PPIL6: variants seen among roughly 807,000 people sequenced by gnomAD.
The protein encoded by PPIL6 is peptidylprolyl isomerase like 6, also known as probable inactive peptidyl-prolyl cis-trans isomerase-like 6.
In PPIL6, 39 loss-of-function variants were observed where a neutral mutation model predicts 36.8. The observed-to-expected ratio is 1.06, with a 90% CI of 0.82 to 1.38. The LOEUF is 1.38. Ranked by LOEUF, PPIL6 falls within the 40% of genes most tolerant of loss-of-function variation. The probability of loss-of-function intolerance (pLI) is 0.00; values close to 1 mark genes in which losing one functional copy is unlikely to be tolerated. For missense variants in PPIL6, 368 were observed against 379.1 expected (o/e 0.97, Z 0.24); for synonymous variants, 123 against 134.1 (o/e 0.92, Z 0.57).
chr6:109,392,703 GGCAACCTACAGT>G lies in PPIL6; in HGVS notation c.*111_*122del. On this transcript the variant is annotated 3_prime_UTR_variant, in exon 8 of 8. Transcript: ENST00000521072. ...ATGGGGAGGGATTGGGTGTAGATGA[GGCAACCTACAGT>G]GTCTGCCACGGCTTTCAAATTACAA... 1 of 597,072 alleles carries G rather than the reference GGCAACCTACAGT, an allele frequency of 1.7e-6. No homozygotes were observed. The highest frequency in any genetic ancestry group is 2.2e-5 in the South Asian group (1 of 45,112). 37.0% of individuals were successfully genotyped at this position (597,072 alleles called of 1,614,324 possible).
intron 1 of PPIL6, 117 bp downstream of exon 1, chr6:109,440,339 C>G (rs1190788329): frequency 7.7e-7 from 1 of 1,303,296 alleles, no homozygotes; most frequent in African/African-American, 1.5e-5. Flanking sequence ...CAGCCCCTTC[C>G]TCGGCCGGTG....
chr6:109,419,109 G>A lies in PPIL6; in HGVS notation c.688+78C>T, dbSNP rs201531075. On this transcript the variant is annotated intron_variant, in intron 6 of 7. Coordinates refer to ENST00000521072, the MANE Select transcript of PPIL6 (RefSeq NM_173672.5). ...TATTGCCCCCAGTGATATCTTATTT[G>A]GAATTGTGAAACTGTCCAGTCCTGT... 995 of 881,128 alleles carry A rather than the reference G, an allele frequency of 1.1e-3. 6 individuals carry two copies. Among genetic ancestry groups the A allele is most frequent in the Non-Finnish European group, 1.3e-3 (707 of 528,936 alleles). 54.6% of individuals were successfully genotyped at this position (881,128 alleles called of 1,614,324 possible). A position where few individuals can be genotyped will look rare whatever the true frequency, so the allele number is the denominator to read the frequency against.
At chr6:109,424,754 G>A (rs1023624213) in intron 5 of PPIL6, among the ~76,000 whole-genome samples, 3 of 152,178 alleles carry the variant, frequency 2.0e-5, no homozygotes, top group South Asian at 2.1e-4. Flanking sequence ...GTGACCTCTG[G>A]TGGTCCTCAC....
At chr6:109,399,740 C>T (rs1448157388) in intron 7 of PPIL6, among the ~76,000 whole-genome samples, 3 of 152,062 alleles carry the variant, frequency 2.0e-5, no homozygotes, top group Admixed American at 2.0e-4. Flanking sequence ...TGGGGTCTCG[C>T]TATGTTGCCC....
intron 2 of PPIL6, among the ~76,000 whole-genome samples, chr6:109,432,575 C>T (rs1774216317): frequency 1.3e-5 from 2 of 152,110 alleles, no homozygotes. Flanking sequence ...TCTGAGTCCC[C>T]TCTCCCTTTC....
rs1034316664 is a variant in PPIL6, at chr6:109,421,875, C to CA, written c.632-2633dup. Reference sequence around the variant, plus strand: ...GCAATATAGTGAGACTCTGTCTCTACAAAAAAAATTTATTTTTTTGAGACA... The same window carrying CA: ...GCAATATAGTGAGACTCTGTCTCTACAAAAAAAAATTTATTTTTTTGAGACA... On this transcript the variant is annotated intron_variant, in intron 5 of 7. Transcript: ENST00000521072. Among the ~76,000 whole-genome samples, 19 of 151,650 alleles carry CA rather than the reference C, an allele frequency of 1.3e-4. No homozygotes were observed. The East Asian group carries it at 1.6e-3, about 13-fold the overall frequency.
rs1582607113 is a variant in PPIL6 at position 109,436,872 on chromosome 6, T to C, written c.136-673A>G. On this transcript the variant is annotated intron_variant, in intron 1 of 7. Transcript: ENST00000521072. ...ACGCCAATAGCTTTGTGATATGCTA[T>C]GTTCTTTAAGACTAGTTTTTCCCTA... 3.3e-5 allele frequency among the ~76,000 whole-genome samples: 5 copies of C among 152,368 alleles called. 1 individual carries two copies. The highest frequency in any genetic ancestry group is 3.3e-4 in the Admixed American group (5 of 15,310).
intron 5 of PPIL6, among the ~76,000 whole-genome samples, chr6:109,424,205 A>G (rs1007340836): frequency 2.0e-4 from 30 of 152,112 alleles, no homozygotes; most frequent in African/African-American, 6.8e-4. Context: ...ATAATCAGAA[A>G]CAGACAGTGG....
At chr6:109,437,077 G>C (rs1006082487) in intron 1 of PPIL6, among the ~76,000 whole-genome samples, 1 of 152,234 alleles carries the variant, frequency 6.6e-6, no homozygotes, top group African/African-American at 2.4e-5. Context: ...TTTAGATACG[G>C]AATATGTTCT....
rs112325965 is a variant in PPIL6, at chr6:109,425,641, C to T, written c.631+1206G>A. On this transcript the variant is annotated intron_variant, in intron 5 of 7. Transcript: ENST00000521072. ...GTGGGCCCCTGCTATCCTGGCTACT[C>T]GGGAGGCTGAGGCAGGGAGAATTAC... is the stretch of plus-strand genomic sequence containing the variant. Among the ~76,000 whole-genome samples, 277 of 150,730 alleles carry T rather than the reference C, an allele frequency of 1.8e-3. 1 individual carries two copies. Among genetic ancestry groups the T allele is most frequent in the African/African-American group, 5.0e-3 (204 of 41,042 alleles).
chr6:109,412,386 A>G (rs1381230589), intron 6 of PPIL6, among the ~76,000 whole-genome samples: 1 of 152,226 alleles, frequency 6.6e-6, no homozygotes, highest in Non-Finnish European at 1.5e-5. Context: ...AAATAGAAAA[A>G]ACAATCCTAA....
At chr6:109,440,927 GGGAACAGCC>G, upstream of PPIL6, 2 of 596,138 alleles carry the variant, frequency 3.4e-6, no homozygotes, top group Non-Finnish European at 5.7e-6. Flanking sequence ...CCGCCTGATT[GGGAACAGCC>G]GGCCGGTTGC....
intron 6 of PPIL6, among the ~76,000 whole-genome samples, chr6:109,412,797 C>A (rs1036293722): frequency 2.0e-5 from 3 of 152,106 alleles, no homozygotes; most frequent in Non-Finnish European, 4.4e-5. Context: ...AAGAAAACAT[C>A]GAGGAAACTC....
chr6:109,409,573 A>C (rs2115217834), intron 6 of PPIL6, among the ~76,000 whole-genome samples: 1 of 151,060 alleles, frequency 6.6e-6, no homozygotes, highest in African/African-American at 2.4e-5. Flanking sequence ...TCTCAAAAAA[A>C]AAAAAGAAAG....
chr6:109,412,478 C>T (rs60593165), intron 6 of PPIL6, among the ~76,000 whole-genome samples: 2,792 of 152,260 alleles, frequency 0.018, 81 homozygotes, highest in African/African-American at 0.065. Context: ...ATCACATTAC[C>T]TGACTTCAAA....
intron 1 of PPIL6, among the ~76,000 whole-genome samples, chr6:109,438,546 C>T (rs557912495): frequency 6.6e-6 from 1 of 151,874 alleles, no homozygotes; most frequent in East Asian, 1.9e-4. Context: ...CTGTCTTCTA[C>T]ATCAGGGGTT....
intron 1 of PPIL6, among the ~76,000 whole-genome samples, chr6:109,437,850 G>A (rs915780066): frequency 6.6e-6 from 1 of 152,256 alleles, no homozygotes; most frequent in Non-Finnish European, 1.5e-5. Flanking sequence ...GATTACAGGC[G>A]TGAGCCACCG....
At chr6:109,418,671 T>C (rs1026125778) in intron 6 of PPIL6, among the ~76,000 whole-genome samples, 33 of 151,860 alleles carry the variant, frequency 2.2e-4, no homozygotes, top group African/African-American at 7.7e-4. Flanking sequence ...CTCAGCCTCC[T>C]GAGGATCTGG....
At chr6:109,425,169 T>G (rs975669858) in intron 5 of PPIL6, among the ~76,000 whole-genome samples, 1 of 152,192 alleles carries the variant, frequency 6.6e-6, no homozygotes, top group Non-Finnish European at 1.5e-5. Context: ...ATCCCCATTT[T>G]ATGATTAAGA....
Sources: gnomAD v4.1 joint callset for allele counts (sites outside exome capture counted in the v4.1 genomes callset) on GRCh38, gnomAD v4.1.1 for gene constraint, MANE v1.5 for transcripts, NCBI Gene and HGNC (gene_info 2026-07-23, HGNC 2026-07-21) for gene names.